Variants in POC1A observed in about 807,000 individuals in gnomAD.
The protein encoded by POC1A is POC1 centriolar protein A.
A neutral mutation model predicts 47.8 loss-of-function variants in POC1A; 34 were observed. The observed-to-expected ratio is 0.71, with a 90% CI of 0.54 to 0.95. The LOEUF (loss-of-function observed/expected upper bound fraction) is 0.95, where lower values mean the gene tolerates loss of function less well. POC1A is among the 40% of genes least tolerant of loss of function. POC1A has a pLI of 0.00. For synonymous variants in POC1A, 177 were observed against 207.6 expected (o/e 0.85, Z 1.27); for missense variants, 466 against 528.3 (o/e 0.88, Z 1.16).
At chr3:52,146,551 G>T (rs1698370401) in intron 5 of POC1A, among the ~76,000 whole-genome samples, 1 of 152,202 alleles carries the variant, frequency 6.6e-6, no homozygotes, top group Non-Finnish European at 1.5e-5. Flanking sequence ...GGCACAATAT[G>T]AACAGCCACC....
intron 9 of POC1A, among the ~76,000 whole-genome samples, chr3:52,106,320 AG>A (rs1286848572): frequency 6.6e-6 from 1 of 152,120 alleles, no homozygotes; most frequent in African/African-American, 2.4e-5. Context: ...CCTTGACCTC[AG>A]GCCCCTGCCT....
At chr3:52,087,913 GTGTAGGA>G (rs1240518103) in intron 10 of POC1A, among the ~76,000 whole-genome samples, 1 of 152,150 alleles carries the variant, frequency 6.6e-6, no homozygotes, top group Non-Finnish European at 1.5e-5. Context: ...AGGCCCCAAG[GTGTAGGA>G]CACCAGTCAT....
intron 9 of POC1A, among the ~76,000 whole-genome samples, chr3:52,113,984 C>T (rs1243910538): frequency 6.6e-6 from 1 of 152,186 alleles, no homozygotes; most frequent in Admixed American, 6.5e-5. Context: ...ATGAAAAATG[C>T]ACAAAGGATG....
chr3:52,102,675 C>T (rs954525212), intron 9 of POC1A, among the ~76,000 whole-genome samples: 1 of 152,206 alleles, frequency 6.6e-6, no homozygotes, highest in Non-Finnish European at 1.5e-5. Context: ...CAACACACTA[C>T]AAAATGCTTT....
chr3:52,132,069 G>A (rs1168723945), intron 7 of POC1A, among the ~76,000 whole-genome samples: 2 of 152,196 alleles, frequency 1.3e-5, no homozygotes, highest in African/African-American at 2.4e-5. Context: ...CAAGTGGAAA[G>A]GGATTAATAT....
At chr3:52,076,775 G>A (rs1215033801) in intron 10 of POC1A, among the ~76,000 whole-genome samples, 1 of 152,268 alleles carries the variant, frequency 6.6e-6, no homozygotes, top group Non-Finnish European at 1.5e-5. Context: ...TCCTGAAGCT[G>A]GGCCCTTGCT....
Position 52,154,357 on chromosome 3 carries a change from C to T in POC1A, c.16G>A (p.Ala6Thr). The T allele has an allele frequency of 6.5e-7, 1 of 1,543,724 alleles. No individual in the cohort carries two copies. The highest frequency in any genetic ancestry group is 8.7e-7 in the Non-Finnish European group (1 of 1,150,918). MAAPC[A>T]EDPSLERHFK... Reference sequence around the variant, plus strand: ...GAGTTGCTCTCGGCTGGGCTTACCGCGCAGGGCGCAGCCATGGCGGGGCTG... The same window carrying T: ...GAGTTGCTCTCGGCTGGGCTTACCGTGCAGGGCGCAGCCATGGCGGGGCTG... The change falls in exon 1 of 11, where the codon GCG becomes ACG. Residue 6 changes from alanine (A) to threonine (T), a missense_variant and splice_region_variant. Physicochemically the swap from Ala to Thr is moderately conservative, Grantham distance 58. Transcript: ENST00000296484.
intron 7 of POC1A, among the ~76,000 whole-genome samples, chr3:52,134,241 A>C (rs750021525): frequency 2.0e-5 from 3 of 152,230 alleles, no homozygotes; most frequent in African/African-American, 7.2e-5. Flanking sequence ...AAAAAAGAGA[A>C]TATAAATGTA....
intron 3 of POC1A, among the ~76,000 whole-genome samples, 199 bp downstream of exon 3, chr3:52,149,617 T>C (rs971902666): frequency 1.3e-5 from 2 of 152,178 alleles, no homozygotes; most frequent in Admixed American, 1.3e-4. Context: ...TAGGGATAGA[T>C]TGGGTAAGCC....
At chr3:52,154,265 C>A in intron 1 of POC1A, 90 bp downstream of exon 1, 1 of 1,369,720 alleles carries the variant, frequency 7.3e-7, no homozygotes, top group Non-Finnish European at 1.0e-6. Context: ...GCGCCCCGCC[C>A]GCCCCTCGCA....
chr3:52,135,645 G>A (rs1410228218), intron 7 of POC1A, among the ~76,000 whole-genome samples: 1 of 152,126 alleles, frequency 6.6e-6, no homozygotes, highest in Non-Finnish European at 1.5e-5. Context: ...TCCCAGGGGT[G>A]CCAGGCTGTG....
chr3:52,146,922 CTCATGCCCAGG>C, intron 5 of POC1A, 55 bp downstream of exon 5: 1 of 1,330,752 alleles, frequency 7.5e-7, no homozygotes, highest in Non-Finnish European at 1.1e-6. Flanking sequence ...ACTGGGCCTC[CTCATGCCCAGG>C]TCTGTGCTCT....
intron 9 of POC1A, among the ~76,000 whole-genome samples, chr3:52,118,770 C>T (rs893388320): frequency 2.6e-5 from 4 of 152,184 alleles, no homozygotes; most frequent in Admixed American, 2.0e-4. Flanking sequence ...GGCTTCAGGG[C>T]CTGAGGCCCA....
intron 9 of POC1A, among the ~76,000 whole-genome samples, chr3:52,104,951 T>C (rs371710855): frequency 5.4e-4 from 82 of 152,300 alleles, no homozygotes; most frequent in African/African-American, 1.9e-3. Context: ...CTCTTAGGGG[T>C]TGAAATGGAC....
intron 7 of POC1A, among the ~76,000 whole-genome samples, chr3:52,132,866 G>A (rs1704278190): frequency 6.6e-6 from 1 of 152,072 alleles, no homozygotes; most frequent in South Asian, 2.1e-4. Context: ...CCAACATGGT[G>A]AAACCCTGTC....
intron 10 of POC1A, among the ~76,000 whole-genome samples, chr3:52,092,961 CAAAGTG>C (rs978947390): frequency 7.2e-5 from 11 of 152,190 alleles, no homozygotes; most frequent in African/African-American, 2.7e-4. Flanking sequence ...AGGGGCCAGC[CAAAGTG>C]CTGTTTGTCT....
At chr3:52,108,580 C>G (rs1703268973) in intron 9 of POC1A, among the ~76,000 whole-genome samples, 1 of 152,172 alleles carries the variant, frequency 6.6e-6, no homozygotes, top group East Asian at 1.9e-4. Context: ...CACTCCCAAG[C>G]TCCGTAATTC....
intron 9 of POC1A, among the ~76,000 whole-genome samples, chr3:52,103,168 C>T (rs774214496): frequency 6.6e-6 from 1 of 152,216 alleles, no homozygotes; most frequent in African/African-American, 2.4e-5. Context: ...AAATGAACTT[C>T]GGTACATACC....
In POC1A at chr3:52,079,314, C is replaced by T. The variant is rs542887568; in HGVS notation, c.1126-3329G>A. On this transcript the variant is annotated intron_variant, in intron 10 of 10. Transcript: ENST00000296484. The surrounding 1 kb of genome is among the most constrained non-coding windows in gnomAD (Gnocchi z 4.6). The stretch of plus-strand genomic sequence containing the variant: ...CAGCGGGGCCCAGCCAAGCAGGCTG[C>T]TCTCGTCGCCTCATGCTCCGTCCAG... Among the ~76,000 whole-genome samples, 3 of 152,354 alleles carry T rather than the reference C, an allele frequency of 2.0e-5. No individual in the cohort carries two copies. In the East Asian group the frequency reaches 5.8e-4, roughly 29 times the overall value.
Sources: allele counts gnomAD v4.1 joint callset (sites outside exome capture counted in the v4.1 genomes callset), GRCh38; gene constraint gnomAD v4.1.1; non-coding constraint Gnocchi (gnomAD v3.1); transcripts MANE v1.5; gene names NCBI Gene and HGNC (gene_info 2026-07-23, HGNC 2026-07-21).